Variants in CNTNAP2 observed in about 807,000 individuals in gnomAD.
The protein encoded by CNTNAP2 is contactin associated protein 2.
In CNTNAP2, 98 loss-of-function variants were observed where a neutral mutation model predicts 155.2. The observed-to-expected ratio is 0.63, with a 90% CI of 0.54 to 0.75. The LOEUF is 0.75. Among genes scored for constraint, CNTNAP2 ranks in the 30% least tolerant of loss-of-function variants. CNTNAP2 has a pLI of 0.00. For synonymous variants in CNTNAP2, 651 were observed against 631.2 expected (o/e 1.03, Z -0.47); for missense variants, 1,727 against 1,688.1 (o/e 1.02, Z -0.40).
chr7:148,109,149 G>A lies in CNTNAP2; in HGVS notation c.2384-8969G>A, dbSNP rs549783699. Among the ~76,000 whole-genome samples, 6 of 152,290 alleles carry A rather than the reference G, an allele frequency of 3.9e-5. No homozygotes were observed. The South Asian group carries it at 1.0e-3, about 26-fold the overall frequency. On this transcript the variant is annotated intron_variant, in intron 15 of 23. Transcript: ENST00000361727. The stretch of plus-strand genomic sequence containing the variant: ...GTAAGTGAAATTAAAGAATATCAGT[G>A]TAGTAGTAAGTAATCACATTTGTTG...
chr7:146,406,901 G>T (rs1030160283), intron 1 of CNTNAP2, among the ~76,000 whole-genome samples: 9 of 152,170 alleles, frequency 5.9e-5, no homozygotes, highest in African/African-American at 1.9e-4. Context: ...TCTAGTGTGT[G>T]TTTTTCAATG....
chr7:146,345,064 A>G (rs1794798974), intron 1 of CNTNAP2, among the ~76,000 whole-genome samples: 1 of 152,192 alleles, frequency 6.6e-6, no homozygotes, highest in Non-Finnish European at 1.5e-5. Context: ...AAAATTTAGC[A>G]AACAGAGTTC....
chr7:146,470,130 C>T (rs779709186), intron 1 of CNTNAP2, among the ~76,000 whole-genome samples: 40 of 152,080 alleles, frequency 2.6e-4, no homozygotes, highest in Admixed American at 7.2e-4. Context: ...TGAGCCACTG[C>T]GCGCGGCCTT....
intron 3 of CNTNAP2, among the ~76,000 whole-genome samples, chr7:146,877,427 C>T (rs1795451338): frequency 6.6e-6 from 1 of 151,826 alleles, no homozygotes; most frequent in Non-Finnish European, 1.5e-5. Flanking sequence ...ATGGGTTGAG[C>T]CCACAAATTT....
intron 8 of CNTNAP2, among the ~76,000 whole-genome samples, chr7:147,298,705 G>C (rs750659621): frequency 6.6e-6 from 1 of 152,220 alleles, no homozygotes; most frequent in Admixed American, 6.5e-5. Context: ...CAGTGCAGCT[G>C]ACTCTTGATG....
intron 9 of CNTNAP2, among the ~76,000 whole-genome samples, chr7:147,321,449 T>G (rs574807542): frequency 1.7e-4 from 26 of 152,290 alleles, no homozygotes; most frequent in African/African-American, 6.3e-4. Context: ...TCATTTTTAT[T>G]TTTTTAACCC....
chr7:146,923,485 T>C (rs965313188), intron 3 of CNTNAP2, among the ~76,000 whole-genome samples: 1 of 152,152 alleles, frequency 6.6e-6, no homozygotes, highest in East Asian at 1.9e-4. Context: ...GCATATAATA[T>C]GTGCTTAGCA....
At chr7:147,263,915 A>G (rs558928472) in intron 8 of CNTNAP2, among the ~76,000 whole-genome samples, 1 of 152,246 alleles carries the variant, frequency 6.6e-6, no homozygotes, top group Admixed American at 6.5e-5. Context: ...GGGAAAGAGC[A>G]TGCATGTGTG....
At chr7:147,585,902 T>C (rs1364009963) in intron 12 of CNTNAP2, among the ~76,000 whole-genome samples, 1 of 152,124 alleles carries the variant, frequency 6.6e-6, no homozygotes, top group Non-Finnish European at 1.5e-5. Flanking sequence ...CAAATATGAG[T>C]GACCAATGGC....
At chr7:147,010,842 G>T (rs1442815954) in intron 3 of CNTNAP2, among the ~76,000 whole-genome samples, 1 of 152,018 alleles carries the variant, frequency 6.6e-6, no homozygotes, top group East Asian at 1.9e-4. Flanking sequence ...GTTAAAATGT[G>T]ATAGGGAATG....
At chr7:148,192,439 G>A (rs1312186435) in intron 18 of CNTNAP2, among the ~76,000 whole-genome samples, 1 of 151,402 alleles carries the variant, frequency 6.6e-6, no homozygotes, top group East Asian at 1.9e-4. Flanking sequence ...ACATTAAAAT[G>A]ATTACAGAAA....
chr7:146,778,602 C>T (rs182147114), intron 2 of CNTNAP2, among the ~76,000 whole-genome samples: 92 of 152,312 alleles, frequency 6.0e-4, no homozygotes, highest in African/African-American at 2.2e-3. Context: ...ATGTGTTACT[C>T]TTTCCAAGGT....
At chr7:148,413,970 CT>C in intron 23 of CNTNAP2, among the ~76,000 whole-genome samples, 1 of 151,910 alleles carries the variant, frequency 6.6e-6, no homozygotes, top group Admixed American at 6.6e-5. Flanking sequence ...TAGTAGGCAT[CT>C]TTTTTATCCA....
At chr7:146,891,114 G>T (rs1309944026) in intron 3 of CNTNAP2, among the ~76,000 whole-genome samples, 1 of 152,128 alleles carries the variant, frequency 6.6e-6, no homozygotes, top group Non-Finnish European at 1.5e-5. Context: ...TGCAGCTAGA[G>T]GCCATTATCC....
intron 1 of CNTNAP2, among the ~76,000 whole-genome samples, chr7:146,748,794 A>C: frequency 6.6e-6 from 1 of 152,210 alleles, no homozygotes; most frequent in East Asian, 1.9e-4. Context: ...TGGAATTTCT[A>C]TTCAAATTGG....
intron 3 of CNTNAP2, among the ~76,000 whole-genome samples, chr7:147,006,993 T>A (rs745910185): frequency 1.6e-4 from 24 of 152,242 alleles, no homozygotes; most frequent in Non-Finnish European, 3.1e-4. Flanking sequence ...GAGTTTTACA[T>A]GAATATTTAC....
intron 21 of CNTNAP2, among the ~76,000 whole-genome samples, chr7:148,344,798 AT>A (rs1419484107): frequency 4.6e-5 from 7 of 152,234 alleles, no homozygotes; most frequent in Non-Finnish European, 8.8e-5. Flanking sequence ...GCAAGTTATC[AT>A]TTTTTAAGTG....
intron 1 of CNTNAP2, among the ~76,000 whole-genome samples, chr7:146,486,249 A>T (rs1797057042): frequency 6.6e-6 from 1 of 151,746 alleles, no homozygotes; most frequent in Admixed American, 6.6e-5. Flanking sequence ...TATTTTTAGT[A>T]GAGACGGGGT....
At chr7:146,934,190 C>A (rs902248043) in intron 3 of CNTNAP2, among the ~76,000 whole-genome samples, 1 of 151,778 alleles carries the variant, frequency 6.6e-6, no homozygotes, top group Admixed American at 6.6e-5. Flanking sequence ...TGGAACCAAC[C>A]CAAATGTCCA....
Sources: gnomAD v4.1 joint callset for allele counts (sites outside exome capture counted in the v4.1 genomes callset) on GRCh38, gnomAD v4.1.1 for gene constraint, MANE v1.5 for transcripts, NCBI Gene and HGNC (gene_info 2026-07-23, HGNC 2026-07-21) for gene names.